Variants in EDA2R observed in about 807,000 individuals in gnomAD.
EDA2R encodes tumor necrosis factor receptor superfamily member 27.
In EDA2R, 26 loss-of-function variants were observed where a neutral mutation model predicts 20.1. The ratio of observed to expected loss-of-function variants is 1.30; its 90% confidence interval spans 0.95 to 1.80. The LOEUF (loss-of-function observed/expected upper bound fraction) is 1.80. Ranked by LOEUF, EDA2R falls within the 40% of genes most tolerant of loss-of-function variation. The probability of loss-of-function intolerance (pLI) is 0.00; values close to 1 mark genes in which losing one functional copy is unlikely to be tolerated. For missense variants in EDA2R, 277 were observed against 228.7 expected, an observed-to-expected ratio of 1.21 and a Z score of -1.36; for synonymous variants, 114 against 88.7, an observed-to-expected ratio of 1.29 and a Z score of -1.60.
intron 1 of EDA2R, among the ~76,000 whole-genome samples, chrX:66,618,643 GCA>G (rs1932108583): frequency 1.8e-5 from 2 of 111,756 alleles, no homozygotes; most frequent in South Asian, 3.8e-4. Context: ...CCTGCACCTG[GCA>G]CAGAGTGTGT....
At chrX:66,636,963 C>T (rs1934387815) in intron 1 of EDA2R, among the ~76,000 whole-genome samples, 1 of 109,631 alleles carries the variant, frequency 9.1e-6, no homozygotes, top group African/African-American at 3.3e-5. Flanking sequence ...CACACACACA[C>T]ACACCCCACA....
rs149915767 is a variant in EDA2R at position 66,615,963 on chromosome X, G to A, written c.58C>T (p.Arg20Trp). The change falls in exon 2 of 7, where the codon CGG becomes TGG. Residue 20 changes from arginine to tryptophan, a missense_variant. Coordinates refer to ENST00000374719, the MANE Select transcript of EDA2R (RefSeq NM_021783.5). ...GATAGCTCCTGTCCAGGACCACACC[G>A]TTGGCAGGTGACACACCGTCCCCAT... ...DQWGRCVTCQRCGPGQELSKD... is the reference protein window; with the variant it reads ...DQWGRCVTCQWCGPGQELSKD... The A allele has an allele frequency of 7.4e-5, 90 of 1,208,386 alleles. No homozygotes were observed. The highest frequency in any genetic ancestry group is 3.4e-4 in the South Asian group (19 of 56,627).
chrX:66,609,112 T>C (rs1044343716), intron 2 of EDA2R, among the ~76,000 whole-genome samples: 2 of 111,776 alleles, frequency 1.8e-5, no homozygotes, highest in Non-Finnish European at 3.8e-5. Context: ...TGTATTTTAA[T>C]AAGGCTGCTT....
intron 5 of EDA2R, among the ~76,000 whole-genome samples, chrX:66,600,581 G>A (rs1415929926): frequency 8.9e-6 from 1 of 111,851 alleles, no homozygotes; most frequent in Non-Finnish European, 1.9e-5. Context: ...CTTAATTTTG[G>A]CATTGTGAGA....
At chrX:66,625,875 C>T (rs367857191) in intron 1 of EDA2R, among the ~76,000 whole-genome samples, 1 of 111,778 alleles carries the variant, frequency 8.9e-6, no homozygotes. Context: ...AGCCCAAAGC[C>T]GGATAGACTT....
chrX:66,600,836 TA>T (rs930777061), intron 5 of EDA2R, among the ~76,000 whole-genome samples: 7 of 111,777 alleles, frequency 6.3e-5, no homozygotes, highest in South Asian at 7.5e-4. Context: ...ACAACTTCAT[TA>T]AAAAAAATCC....
chrX:66,618,896 T>A (rs1257344615), intron 1 of EDA2R, among the ~76,000 whole-genome samples: 2 of 112,439 alleles, frequency 1.8e-5, no homozygotes, highest in Non-Finnish European at 3.8e-5. Context: ...TTTGTCAGCA[T>A]CAGTTTTTTC....
rs763704495 is a variant in EDA2R, at chrX:66,613,967, AT to A, written c.87+1966del. On this transcript the variant is annotated intron_variant, in intron 2 of 6. Transcript: ENST00000374719. ...AAACACTGATTTCATTCTAGGTGGC[AT>A]GAAGACTAGCCTCCAGAACGGATTC... 7.2e-4 allele frequency among the ~76,000 whole-genome samples: 80 copies of A among 111,751 alleles called. No individual in the cohort carries two copies. The South Asian group carries it at 0.027, about 38-fold the overall frequency.
intron 6 of EDA2R, among the ~76,000 whole-genome samples, chrX:66,599,056 CA>C (rs1928001055): frequency 8.9e-6 from 1 of 111,994 alleles, no homozygotes; most frequent in African/African-American, 3.3e-5. Flanking sequence ...GACATACACA[CA>C]AGGTTTGTAT....
chrX:66,634,155 A>G (rs1484496582), intron 1 of EDA2R, among the ~76,000 whole-genome samples: 1 of 112,152 alleles, frequency 8.9e-6, no homozygotes, highest in South Asian at 3.7e-4. Context: ...GAAGAATACA[A>G]TGAGAACTAT....
At chrX:66,630,848 CACAA>C (rs1933690716) in intron 1 of EDA2R, among the ~76,000 whole-genome samples, 3 of 108,353 alleles carry the variant, frequency 2.8e-5, no homozygotes, top group African/African-American at 1.0e-4. Flanking sequence ...CACACACACA[CACAA>C]ACACACGTAT....
intron 1 of EDA2R, among the ~76,000 whole-genome samples, chrX:66,620,641 G>C (rs905394676): frequency 7.2e-5 from 8 of 110,805 alleles, no homozygotes; most frequent in African/African-American, 2.6e-4. Flanking sequence ...GAGAAAAACA[G>C]AACAATGACA....
At chrX:66,630,822 T>TACACACACAC (rs768792873) in intron 1 of EDA2R, among the ~76,000 whole-genome samples, 9 of 93,689 alleles carry the variant, frequency 9.6e-5, no homozygotes, top group African/African-American at 1.5e-4. Context: ...TATATATATA[T>TACACACACAC]ACACACACAC....
At chrX:66,617,070 T>C (rs755361923) in intron 1 of EDA2R, among the ~76,000 whole-genome samples, 1 of 111,843 alleles carries the variant, frequency 8.9e-6, no homozygotes, top group South Asian at 3.8e-4. Flanking sequence ...TAGCATGAGG[T>C]TCTTTACTTA....
At chrX:66,606,698 C>T (rs760342230) in intron 2 of EDA2R, among the ~76,000 whole-genome samples, 1 of 112,091 alleles carries the variant, frequency 8.9e-6, no homozygotes, top group East Asian at 2.8e-4. Flanking sequence ...TTGTTACATC[C>T]CTCACCCCAG....
At chrX:66,623,533 G>A (rs139571816) in intron 1 of EDA2R, among the ~76,000 whole-genome samples, 1,411 of 111,638 alleles carry the variant, frequency 0.013, 19 homozygotes, top group African/African-American at 0.044. Context: ...ATATAATAAA[G>A]AGCTCATATT....
chrX:66,599,820 C>A lies in EDA2R; in HGVS notation c.558G>T (p.Glu186Asp). 1 of 1,208,094 alleles carries A rather than the reference C, an allele frequency of 8.3e-7. No individual in the cohort carries two copies. The highest frequency in any genetic ancestry group is 1.1e-6 in the Non-Finnish European group (1 of 893,971). Residue 186 changes from glutamate (E) to aspartate (D), a missense_variant, in exon 6 of 7, where the codon GAG becomes GAT. Transcript: ENST00000374719. ...LQFEADKTAK[E>D]ESLFPVPPSK... ...TGGGTGGCACGGGGAAGAGAGATTC[C>A]TCCTTTGCTGTTTTATCAGCCTCAA...
chrX:66,614,381 A>G (rs1333408781), intron 2 of EDA2R, among the ~76,000 whole-genome samples: 1 of 112,197 alleles, frequency 8.9e-6, no homozygotes, highest in Non-Finnish European at 1.9e-5. Context: ...CTTATGGTTC[A>G]TGTCATGGTT....
rs1928154314 is a variant in EDA2R, at chrX:66,599,637, C to A, written c.741G>T (p.Trp247Cys). Residue 247 changes from tryptophan to cysteine, a missense_variant, in exon 6 of 7, where the codon TGG becomes TGT. Transcript: ENST00000374719. ...CTGTGCATTCGATGGGGCTGTGGAC[C>A]CAGTGGGAGTGGCTCTCTGAGGTGC... The part of the protein sequence containing the change: ...ASCTSESHSH[W>C]VHSPIECTEL... The A allele has an allele frequency of 8.3e-7, 1 of 1,204,102 alleles. No individual in the cohort carries two copies. The highest frequency in any genetic ancestry group is 1.8e-5 in the South Asian group (1 of 55,636).
Sources: gnomAD v4.1 joint callset for allele counts (sites outside exome capture counted in the v4.1 genomes callset) on GRCh38, gnomAD v4.1.1 for gene constraint, MANE v1.5 for transcripts, NCBI Gene and HGNC (gene_info 2026-07-23, HGNC 2026-07-21) for gene names.